ZCCHC7: variants seen among roughly 807,000 people sequenced by gnomAD.
ZCCHC7 encodes zinc finger CCHC domain-containing protein 7.
Under a neutral mutation model 52.0 loss-of-function variants are expected in ZCCHC7, and 35 were observed. That is an observed-to-expected ratio of 0.67 (90% CI 0.51 to 0.89). ZCCHC7 has a LOEUF of 0.89. Among genes scored for constraint, ZCCHC7 ranks in the 40% least tolerant of loss-of-function variants. The pLI is 0.00. For missense variants in ZCCHC7, 574 were observed against 649.1 expected (o/e 0.88, Z 1.26); for synonymous variants, 217 against 221.5 (o/e 0.98, Z 0.18).
chr9:37,187,014 C>CT (rs1822698536), intron 2 of ZCCHC7: 3 of 220,942 alleles, frequency 1.4e-5, no homozygotes, highest in Middle Eastern at 1.5e-3. Flanking sequence ...TTCTTCACTG[C>CT]TTTTTTCTTT....
intron 2 of ZCCHC7, among the ~76,000 whole-genome samples, chr9:37,234,011 G>A (rs12553221): frequency 0.28 from 41,764 of 151,814 alleles, 6,958 homozygotes; most frequent in Admixed American, 0.41. Context: ...CTGCCACCAC[G>A]CCCGGCTAAT....
chr9:37,212,318 A>G (rs546450087), intron 2 of ZCCHC7, among the ~76,000 whole-genome samples: 2 of 152,230 alleles, frequency 1.3e-5, no homozygotes, highest in African/African-American at 4.8e-5. Context: ...CCTAAAAAAA[A>G]AATTTTACTT....
intron 6 of ZCCHC7, among the ~76,000 whole-genome samples, chr9:37,343,086 G>A (rs999520359): frequency 6.6e-6 from 1 of 152,222 alleles, no homozygotes; most frequent in Non-Finnish European, 1.5e-5. Context: ...TACTGTCTCT[G>A]TGAACACGAG....
At chr9:37,301,370 G>T (rs112074705) in intron 2 of ZCCHC7, among the ~76,000 whole-genome samples, 4 of 152,166 alleles carry the variant, frequency 2.6e-5, no homozygotes, top group Non-Finnish European at 5.9e-5. Context: ...GCTGAAGTGG[G>T]TGGATCTCTT....
At chr9:37,285,126 T>G (rs1828146530) in intron 2 of ZCCHC7, among the ~76,000 whole-genome samples, 1 of 152,094 alleles carries the variant, frequency 6.6e-6, no homozygotes, top group Non-Finnish European at 1.5e-5. Context: ...ATAGAGAAAA[T>G]TGTCCAGATA....
intron 2 of ZCCHC7, among the ~76,000 whole-genome samples, chr9:37,202,616 G>C (rs538513090): frequency 3.0e-4 from 46 of 152,164 alleles, no homozygotes; most frequent in Non-Finnish European, 5.7e-4. Context: ...CCAGTAGCTA[G>C]GACTCAGTTG....
intron 2 of ZCCHC7, among the ~76,000 whole-genome samples, chr9:37,206,899 G>A (rs567292048): frequency 1.5e-4 from 23 of 152,150 alleles, no homozygotes; most frequent in Middle Eastern, 6.8e-3. Flanking sequence ...GCAGAGGCAG[G>A]GGGATCTCTT....
At chr9:37,170,348 CAA>C (rs976866294) in intron 2 of ZCCHC7, among the ~76,000 whole-genome samples, 5 of 152,150 alleles carry the variant, frequency 3.3e-5, no homozygotes, top group African/African-American at 9.7e-5. Context: ...TTGCTACACT[CAA>C]GAGTTTTTTG....
Position 37,168,301 on chromosome 9 carries a change from G to T in ZCCHC7, c.610+41359G>T, listed in dbSNP as rs368035231. Among the ~76,000 whole-genome samples the T allele has an allele frequency of 2.3e-4, 35 of 152,218 alleles. No homozygotes were observed. The East Asian group carries it at 5.0e-3, about 22-fold the overall frequency. ...TGTTTATTTTTTGATGGTTTCAGGTGGGACGGGAAATCTGATCCCTGTTAA... is the reference window on the plus strand; with the variant it reads ...TGTTTATTTTTTGATGGTTTCAGGTTGGACGGGAAATCTGATCCCTGTTAA... On this transcript the variant is annotated intron_variant, in intron 2 of 8. Coordinates refer to ENST00000336755, the MANE Select transcript of ZCCHC7 (RefSeq NM_032226.3).
chr9:37,226,214 TATTA>T (rs796369201), intron 2 of ZCCHC7, among the ~76,000 whole-genome samples: 11 of 152,274 alleles, frequency 7.2e-5, no homozygotes, highest in African/African-American at 2.4e-4. Flanking sequence ...AAATGTGAAA[TATTA>T]ATAGTAATCA....
At chr9:37,125,722 G>A (rs1842512845) in intron 1 of ZCCHC7, among the ~76,000 whole-genome samples, 1 of 152,156 alleles carries the variant, frequency 6.6e-6, no homozygotes, top group Non-Finnish European at 1.5e-5. Context: ...TGTATCCTGC[G>A]GTAGATCTCA....
chr9:37,199,792 A>G (rs1479810834), intron 2 of ZCCHC7, among the ~76,000 whole-genome samples: 1 of 150,572 alleles, frequency 6.6e-6, no homozygotes, highest in East Asian at 2.0e-4. Flanking sequence ...TGCAAGCTCC[A>G]CCTCCTGGGT....
intron 2 of ZCCHC7, among the ~76,000 whole-genome samples, chr9:37,296,659 A>G (rs1311639643): frequency 6.6e-6 from 1 of 151,906 alleles, no homozygotes; most frequent in Non-Finnish European, 1.5e-5. Flanking sequence ...ATTTGGGGAT[A>G]GAACAGTTGC....
intron 2 of ZCCHC7, among the ~76,000 whole-genome samples, chr9:37,197,250 T>C (rs1281123066): frequency 2.6e-5 from 4 of 151,872 alleles, no homozygotes; most frequent in African/African-American, 9.7e-5. Context: ...CCCCAGATGG[T>C]GGTTGCCTAA....
chr9:37,206,573 A>G (rs1185083156), intron 2 of ZCCHC7, among the ~76,000 whole-genome samples: 1 of 152,070 alleles, frequency 6.6e-6, no homozygotes, highest in East Asian at 1.9e-4. Flanking sequence ...GCTGGTCTCA[A>G]ACTCCCGGGC....
At position 37,349,367 on chromosome 9, in the gene ZCCHC7, G is replaced by T; in HGVS notation, c.998G>T (p.Gly333Val). Residue 333 changes from glycine to valine, a missense_variant, in exon 7 of 9, where the codon GGA becomes GTA. Gly to Val is a moderately radical substitution (Grantham distance 109, BLOSUM62 -3). Coordinates refer to ENST00000336755, the MANE Select transcript of ZCCHC7 (RefSeq NM_032226.3). ...WRQYHLTTKP[G>V]PPKKPKTPSR... ...ATATTCATGTTGCAGACCAAACCTG[G>T]ACCACCCAAAAAGCCGAAGACCCCT... 1 of 1,613,698 alleles carries T rather than the reference G, an allele frequency of 6.2e-7. No individual in the cohort carries two copies. Among genetic ancestry groups the T allele is most frequent in the South Asian group, 1.1e-5 (1 of 91,028 alleles).
chr9:37,308,130 G>A (rs1339665247), intron 5 of ZCCHC7, among the ~76,000 whole-genome samples: 1 of 152,182 alleles, frequency 6.6e-6, no homozygotes, highest in Middle Eastern at 3.4e-3. Context: ...GTGGTATATG[G>A]TTAATTAATT....
chr9:37,309,277 G>A (rs1829483460), intron 5 of ZCCHC7, among the ~76,000 whole-genome samples: 1 of 152,112 alleles, frequency 6.6e-6, no homozygotes, highest in Non-Finnish European at 1.5e-5. Flanking sequence ...GAATTCACAT[G>A]GAAGCCGAGT....
intron 2 of ZCCHC7, among the ~76,000 whole-genome samples, chr9:37,220,099 G>C (rs1043729112): frequency 1.3e-5 from 2 of 152,294 alleles, no homozygotes; most frequent in South Asian, 4.1e-4. Flanking sequence ...TGAAACATAC[G>C]TACAAGTAAT....
Sources: allele counts gnomAD v4.1 joint callset (sites outside exome capture counted in the v4.1 genomes callset), GRCh38; gene constraint gnomAD v4.1.1; transcripts MANE v1.5; gene names NCBI Gene and HGNC (gene_info 2026-07-23, HGNC 2026-07-21).